Variants in EYS observed in about 807,000 individuals in gnomAD.
The protein encoded by EYS is EGF-like photoreceptor maintenance factor, also known as protein eyes shut homolog.
EYS carries 250 observed loss-of-function variants against 282.1 expected under a neutral mutation model. The ratio of observed to expected loss-of-function variants is 0.89; its 90% CI spans 0.80 to 0.98. The LOEUF (loss-of-function observed/expected upper bound fraction) is 0.98, where lower values mean the gene tolerates loss of function less well. Ranked by LOEUF, EYS falls within the 50% of genes least tolerant of loss-of-function variation. EYS has a pLI of 0.00. For missense variants in EYS, 4,016 were observed against 3,709.0 expected (o/e 1.08, Z -2.15); for synonymous variants, 1,355 against 1,282.9 (o/e 1.06, Z -1.20).
rs181543765 is a variant in EYS, at chr6:63,802,198, A to C, written c.7411+3992T>G. Among the ~76,000 whole-genome samples the C allele has an allele frequency of 3.3e-5, 5 of 152,300 alleles. No individual in the cohort carries two copies. In the East Asian group the frequency reaches 9.6e-4, roughly 29 times the overall value. On this transcript the variant is annotated intron_variant, in intron 37 of 42. Coordinates refer to ENST00000503581, the MANE Select transcript of EYS (RefSeq NM_001142800.2). ...AATTGATGAATAATCCCTATATATG[A>C]TATTATGGCCAATAATTACATACCT...
At chr6:64,543,861 G>T (rs1049554871) in intron 26 of EYS, among the ~76,000 whole-genome samples, 1 of 152,090 alleles carries the variant, frequency 6.6e-6, no homozygotes, top group African/African-American at 2.4e-5. Flanking sequence ...GTCTAGAGAG[G>T]CTAAGAGATC....
chr6:63,863,668 CTTTTTTCTT>C (rs1441416482), intron 36 of EYS, among the ~76,000 whole-genome samples: 7 of 69,328 alleles, frequency 1.0e-4, no homozygotes, highest in African/African-American at 3.3e-4. Context: ...CTTTTCTTTT[CTTTTTTCTT>C]TTTTTTTTTT....
chr6:64,515,900 A>T (rs949238256), intron 26 of EYS, among the ~76,000 whole-genome samples: 1 of 151,794 alleles, frequency 6.6e-6, no homozygotes, highest in Admixed American at 6.6e-5. Context: ...TAAGAATGTA[A>T]TTTACATTTA....
chr6:65,330,787 A>G (rs1166198909), intron 11 of EYS: 4 of 962,968 alleles, frequency 4.2e-6, no homozygotes, highest in Non-Finnish European at 3.7e-6. Context: ...CATTTCTTTC[A>G]TTTATATCGT....
At chr6:65,025,511 G>T (rs942414862) in intron 13 of EYS, among the ~76,000 whole-genome samples, 8 of 152,094 alleles carry the variant, frequency 5.3e-5, no homozygotes, top group Non-Finnish European at 8.8e-5. Context: ...GCAGTAAAAA[G>T]ATTGAAAATA....
chr6:63,908,001 C>T (rs1444206713), intron 35 of EYS, among the ~76,000 whole-genome samples: 4 of 68,348 alleles, frequency 5.9e-5, no homozygotes, highest in African/African-American at 2.3e-4. Context: ...CACACACACA[C>T]ACACACAAAC....
At chr6:64,739,886 T>C (rs190903765) in intron 22 of EYS, among the ~76,000 whole-genome samples, 1 of 152,190 alleles carries the variant, frequency 6.6e-6, no homozygotes, top group East Asian at 1.9e-4. Flanking sequence ...ATTAGGAAAA[T>C]AAGTGAATAG....
chr6:63,939,785 A>G (rs975002462), intron 35 of EYS, among the ~76,000 whole-genome samples: 1 of 152,236 alleles, frequency 6.6e-6, no homozygotes, highest in Admixed American at 6.5e-5. Flanking sequence ...TATTACCAGA[A>G]AATATACACA....
Position 64,416,237 on chromosome 6 carries a change from T to C in EYS, c.5927+19937A>G, listed in dbSNP as rs78781656. ...TGTTTTTGCTTGTATGATCATTACTTAGCAAGTACTTTCAAAGTCAAATCC... is the reference window on the plus strand; with the variant it reads ...TGTTTTTGCTTGTATGATCATTACTCAGCAAGTACTTTCAAAGTCAAATCC... On this transcript the variant is annotated intron_variant, in intron 28 of 42. Coordinates refer to ENST00000503581, the MANE Select transcript of EYS (RefSeq NM_001142800.2). Among the ~76,000 whole-genome samples, 251 of 152,298 alleles carry C rather than the reference T, an allele frequency of 1.6e-3. 5 individuals are homozygous for C. The East Asian group carries it at 0.038, about 23-fold the overall frequency.
At chr6:64,551,659 C>T (rs1253136032) in intron 26 of EYS, among the ~76,000 whole-genome samples, 1 of 151,600 alleles carries the variant, frequency 6.6e-6, no homozygotes, top group Non-Finnish European at 1.5e-5. Flanking sequence ...GACTCAGCCT[C>T]CTGAGTACCA....
At chr6:64,276,769 G>T (rs962677741) in intron 30 of EYS, among the ~76,000 whole-genome samples, 4 of 152,104 alleles carry the variant, frequency 2.6e-5, no homozygotes, top group Non-Finnish European at 5.9e-5. Context: ...TAGGAAGTCA[G>T]ATACACTCCT....
chr6:64,862,927 T>C (rs532877987), intron 19 of EYS, among the ~76,000 whole-genome samples: 2 of 152,236 alleles, frequency 1.3e-5, no homozygotes, highest in South Asian at 4.1e-4. Context: ...CGTGATACGT[T>C]CTCTGTATTT....
intron 26 of EYS, among the ~76,000 whole-genome samples, chr6:64,480,127 A>G (rs1309828593): frequency 6.6e-6 from 1 of 151,928 alleles, no homozygotes; most frequent in Admixed American, 6.6e-5. Context: ...CACTCTCTCC[A>G]GTTGTAGTGG....
At chr6:64,014,527 A>C (rs186768484) in intron 33 of EYS, among the ~76,000 whole-genome samples, 1 of 152,308 alleles carries the variant, frequency 6.6e-6, no homozygotes, top group East Asian at 1.9e-4. Context: ...CAGTGAAGTC[A>C]GTAATAATCC....
chr6:63,750,420 G>T (rs1013533375), intron 41 of EYS, among the ~76,000 whole-genome samples: 1 of 152,116 alleles, frequency 6.6e-6, no homozygotes. Context: ...TCTTTAATCA[G>T]CCCAGCTGGA....
At chr6:64,186,248 TACACACACACACACACACACACAC>T (rs34727951) in intron 31 of EYS, among the ~76,000 whole-genome samples, 1 of 146,968 alleles carries the variant, frequency 6.8e-6, no homozygotes, top group Non-Finnish European at 1.5e-5. Context: ...ATGTGTGTTT[TACACACACACACACACACACACAC>T]ACACACACAC....
At chr6:65,438,917 G>T (rs1768193497) in intron 5 of EYS, among the ~76,000 whole-genome samples, 1 of 152,136 alleles carries the variant, frequency 6.6e-6, no homozygotes, top group African/African-American at 2.4e-5. Flanking sequence ...ATTTAGACAT[G>T]AAGTCCTTGT....
chr6:64,292,317 G>A (rs1166883570), intron 30 of EYS, among the ~76,000 whole-genome samples: 4 of 152,140 alleles, frequency 2.6e-5, no homozygotes, highest in Non-Finnish European at 5.9e-5. Context: ...TTTGGGAATA[G>A]CCTTTAGATT....
chr6:63,841,010 A>T (rs1213254060), intron 36 of EYS, among the ~76,000 whole-genome samples: 1 of 152,186 alleles, frequency 6.6e-6, no homozygotes, highest in Non-Finnish European at 1.5e-5. Flanking sequence ...AAGTCTTTGT[A>T]GTTCAACTTA....
Sources: gnomAD v4.1 joint callset for allele counts (sites outside exome capture counted in the v4.1 genomes callset) on GRCh38, gnomAD v4.1.1 for gene constraint, MANE v1.5 for transcripts, NCBI Gene and HGNC (gene_info 2026-07-23, HGNC 2026-07-21) for gene names.